The following SLC24A2 variants were observed in gnomAD, a reference collection of about 807,000 sequenced individuals.
SLC24A2 encodes the protein solute carrier family 24 member 2.
A neutral mutation model predicts 62.0 loss-of-function variants in SLC24A2; 36 were observed. The observed-to-expected ratio is 0.58, with a 90% CI of 0.44 to 0.77. The LOEUF (loss-of-function observed/expected upper bound fraction) is 0.77. Among genes scored for constraint, SLC24A2 ranks in the 30% least tolerant of loss-of-function variants. SLC24A2 has a pLI of 0.00. For missense variants in SLC24A2, 846 were observed against 817.9 expected (o/e 1.03, Z -0.42); for synonymous variants, 358 against 294.0 (o/e 1.22, Z -2.23).
At chr9:20,196,443 T>G in the SLC24A2 span, among the ~76,000 whole-genome samples, 1 of 152,354 alleles carries the variant, frequency 6.6e-6, no homozygotes, top group East Asian at 1.9e-4. Context: ...ACATATGTAA[T>G]TGATTTTTTT....
At chr9:20,274,912 T>C in the SLC24A2 span, among the ~76,000 whole-genome samples, 1 of 152,092 alleles carries the variant, frequency 6.6e-6, no homozygotes, top group African/African-American at 2.4e-5. Flanking sequence ...AGCCACTGTC[T>C]AGCCGGAAGA....
At chr9:20,167,815 C>T in the SLC24A2 span, among the ~76,000 whole-genome samples, 3 of 151,900 alleles carry the variant, frequency 2.0e-5, no homozygotes, top group East Asian at 5.9e-4. Flanking sequence ...AAATTTTTGG[C>T]CTCAAGCAAT....
At chr9:19,531,152 T>G (rs1451552259) in intron 8 of SLC24A2, among the ~76,000 whole-genome samples, 1 of 152,238 alleles carries the variant, frequency 6.6e-6, no homozygotes, top group South Asian at 2.1e-4. Context: ...TATCAACGTT[T>G]CATTCATCAG....
the SLC24A2 span, among the ~76,000 whole-genome samples, chr9:20,305,422 A>G: frequency 6.6e-6 from 1 of 152,122 alleles, no homozygotes; most frequent in Non-Finnish European, 1.5e-5. Flanking sequence ...CCATTTTAAT[A>G]GTTACCAAGG....
intron 4 of SLC24A2, 96 bp downstream of exon 4, chr9:19,619,488 C>T (rs950649460): frequency 1.9e-5 from 18 of 949,818 alleles, no homozygotes; most frequent in Admixed American, 1.2e-4. Flanking sequence ...GGCTGGCAGG[C>T]GTGCATGACG....
At chr9:19,914,602 G>A in the SLC24A2 span, among the ~76,000 whole-genome samples, 1 of 152,124 alleles carries the variant, frequency 6.6e-6, no homozygotes, top group African/African-American at 2.4e-5. Context: ...GAGCCAGGCA[G>A]AGGACATGTT....
At chr9:20,043,252 C>T in the SLC24A2 span, among the ~76,000 whole-genome samples, 9 of 152,174 alleles carry the variant, frequency 5.9e-5, no homozygotes, top group East Asian at 1.9e-4. Context: ...AGCAAAAGAA[C>T]GAAAAGAAAG....
chr9:19,681,497 G>C (rs1296942371), intron 2 of SLC24A2, among the ~76,000 whole-genome samples: 2 of 152,078 alleles, frequency 1.3e-5, no homozygotes, highest in African/African-American at 4.8e-5. Flanking sequence ...CACAAGGGCA[G>C]GGAACATTGT....
rs115991149 is a variant in SLC24A2 at position 19,684,975 on chromosome 9, T to C, written c.931-62676A>G. 2.6e-3 allele frequency among the ~76,000 whole-genome samples: 399 copies of C among 152,224 alleles called. 1 individual carries two copies. Among genetic ancestry groups the C allele is most frequent in the Middle Eastern group, 0.01 (3 of 294 alleles). On this transcript the variant is annotated intron_variant, in intron 2 of 10. Transcript: ENST00000341998. ...AACACCCTCTCTCCAAAAGTTCCTA[T>C]ATCTGATAAATAACTCCAGCAAAGT... is the stretch of plus-strand genomic sequence containing the variant.
intron 2 of SLC24A2, among the ~76,000 whole-genome samples, chr9:19,767,392 C>T (rs1822548724): frequency 6.6e-6 from 1 of 152,174 alleles, no homozygotes; most frequent in Admixed American, 6.5e-5. Context: ...GCCCAAATGG[C>T]CGTACAATTT....
the SLC24A2 span, among the ~76,000 whole-genome samples, chr9:20,007,573 G>A: frequency 6.6e-6 from 1 of 152,052 alleles, no homozygotes; most frequent in Non-Finnish European, 1.5e-5. Context: ...ATCCATTTAT[G>A]AGTATATAAA....
chr9:19,746,525 G>A (rs2118790118), intron 2 of SLC24A2, among the ~76,000 whole-genome samples: 2 of 152,200 alleles, frequency 1.3e-5, no homozygotes, highest in South Asian at 4.1e-4. Flanking sequence ...AGTCTAGGGT[G>A]TCAATAAAAT....
chr9:19,560,526 C>T (rs1467670954), intron 7 of SLC24A2, among the ~76,000 whole-genome samples: 1 of 152,198 alleles, frequency 6.6e-6, no homozygotes, highest in African/African-American at 2.4e-5. Flanking sequence ...CACGTGAAGA[C>T]ATAATGAGAC....
intron 2 of SLC24A2, among the ~76,000 whole-genome samples, chr9:19,725,359 A>C (rs1233173677): frequency 6.6e-6 from 1 of 152,186 alleles, no homozygotes; most frequent in East Asian, 1.9e-4. Context: ...CAGTAGCTAA[A>C]AGAGTGAATG....
intron 2 of SLC24A2, among the ~76,000 whole-genome samples, chr9:19,691,705 T>A (rs1451626748): frequency 6.6e-6 from 1 of 152,182 alleles, no homozygotes; most frequent in Non-Finnish European, 1.5e-5. Flanking sequence ...AAGCATATAA[T>A]CATTAAAAAT....
the SLC24A2 span, among the ~76,000 whole-genome samples, chr9:20,050,118 A>T: frequency 6.6e-4 from 101 of 152,012 alleles, 1 homozygote; most frequent in East Asian, 0.018. Flanking sequence ...CCAAACATAC[A>T]CACACAGAGA....
the SLC24A2 span, among the ~76,000 whole-genome samples, chr9:19,990,924 T>G: frequency 4.5e-4 from 63 of 140,164 alleles, 1 homozygote; most frequent in African/African-American, 1.6e-3. Context: ...ACTAATAGGA[T>G]ATATATATAT....
In SLC24A2 at chr9:19,665,118, T is replaced by C. The variant is rs35420798; in HGVS notation, c.931-42819A>G. On this transcript the variant is annotated intron_variant, in intron 2 of 10. Coordinates refer to ENST00000341998, the MANE Select transcript of SLC24A2 (RefSeq NM_020344.4). ...CTCACTCTTACCAGTAAGATCCGCC[T>C]GCTCTTGAGGAAAGCCGGTGAGAAG... 8.9e-3 allele frequency among the ~76,000 whole-genome samples: 1,356 copies of C among 152,288 alleles called. 10 individuals carry two copies. Among genetic ancestry groups the C allele is most frequent in the Middle Eastern group, 0.037 (11 of 294 alleles).
At chr9:20,161,506 C>A in the SLC24A2 span, among the ~76,000 whole-genome samples, 1 of 151,086 alleles carries the variant, frequency 6.6e-6, no homozygotes, top group African/African-American at 2.4e-5. Context: ...GATTTTAATA[C>A]CTCATTAAGA....
Sources: allele counts gnomAD v4.1 joint callset (sites outside exome capture counted in the v4.1 genomes callset), GRCh38; gene constraint gnomAD v4.1.1; transcripts MANE v1.5; gene names NCBI Gene and HGNC (gene_info 2026-07-23, HGNC 2026-07-21).